The following FABP6 variants were observed in gnomAD, a reference collection of about 807,000 sequenced individuals.
The protein encoded by FABP6 is gastrotropin.
A neutral mutation model predicts 14.9 loss-of-function variants in FABP6; 13 were observed. The ratio of observed to expected loss-of-function variants is 0.87; its 90% CI spans 0.57 to 1.39. The LOEUF is 1.39. Ranked by LOEUF, FABP6 falls within the 40% of genes most tolerant of loss-of-function variation. The pLI, the probability that FABP6 is intolerant of heterozygous loss-of-function variation, is 0.00. For synonymous variants in FABP6, 75 were observed against 63.6 expected, an observed-to-expected ratio of 1.18 and a Z score of -0.85; for missense variants, 161 against 167.2, an observed-to-expected ratio of 0.96 and a Z score of 0.20.
chr5:160,225,399 C>CT (rs1284538826), upstream of FABP6, among the ~76,000 whole-genome samples: 729 of 123,486 alleles, frequency 5.9e-3, 4 homozygotes, highest in Admixed American at 9.8e-3. Context: ...CCAGCCCCAC[C>CT]TTTTTTTTTT....
intron 2 of FABP6, among the ~76,000 whole-genome samples, chr5:160,200,680 C>T (rs1182992561): frequency 6.6e-6 from 1 of 152,182 alleles, no homozygotes; most frequent in Non-Finnish European, 1.5e-5. Flanking sequence ...TCCCAAAGTG[C>T]TGGGGTTACA....
At chr5:160,212,064 T>A (rs771882298) in intron 2 of FABP6, among the ~76,000 whole-genome samples, 10 of 150,388 alleles carry the variant, frequency 6.6e-5, no homozygotes, top group Non-Finnish European at 1.2e-4. Context: ...CTCAGCTCAC[T>A]GTAACCTCCG....
intron 2 of FABP6, among the ~76,000 whole-genome samples, chr5:160,209,614 A>G (rs1759845003): frequency 6.6e-6 from 1 of 152,198 alleles, no homozygotes; most frequent in South Asian, 2.1e-4. Flanking sequence ...TTCTACAGAG[A>G]GTCCCCACCA....
intron 2 of FABP6, among the ~76,000 whole-genome samples, chr5:160,233,943 T>G (rs979495715): frequency 3.3e-5 from 5 of 151,974 alleles, no homozygotes; most frequent in Admixed American, 2.0e-4. Flanking sequence ...TCTAGGGCCT[T>G]GCAGCTAGAA....
chr5:160,218,482 A>G (rs1429206570), intron 3 of FABP6, among the ~76,000 whole-genome samples: 4 of 17,334 alleles, frequency 2.3e-4, no homozygotes, highest in African/African-American at 8.6e-4. Flanking sequence ...TTTTTTTGAG[A>G]TGGAGTCTCA....
chr5:160,192,780 G>T (rs992264416), intron 1 of FABP6, among the ~76,000 whole-genome samples: 1 of 152,360 alleles, frequency 6.6e-6, no homozygotes. Flanking sequence ...GGGTCAAAGG[G>T]TAGCTGGAGA....
chr5:160,190,022 T>A (rs1358244592), intron 1 of FABP6, among the ~76,000 whole-genome samples: 1 of 152,192 alleles, frequency 6.6e-6, no homozygotes, highest in Non-Finnish European at 1.5e-5. Context: ...AGCCAAGGTT[T>A]GAACTGGCTG....
At chr5:160,204,362 T>A (rs1028007381) in intron 2 of FABP6, among the ~76,000 whole-genome samples, 13 of 152,030 alleles carry the variant, frequency 8.6e-5, no homozygotes, top group South Asian at 6.2e-4. Flanking sequence ...TACGTTTTTT[T>A]AAAAAAGCTC....
intron 2 of FABP6, chr5:160,199,197 T>G: frequency 2.5e-6 from 4 of 1,610,566 alleles, no homozygotes; most frequent in Non-Finnish European, 3.4e-6. Context: ...TTGAGGCAAA[T>G]GAAAGGATGA....
At chr5:160,208,269 C>T (rs954497269) in intron 2 of FABP6, among the ~76,000 whole-genome samples, 1 of 151,498 alleles carries the variant, frequency 6.6e-6, no homozygotes, top group Admixed American at 6.6e-5. Context: ...ATAACTAGAT[C>T]GTTTGTCTAA....
At chr5:160,210,757 G>A (rs1759870365) in intron 2 of FABP6, among the ~76,000 whole-genome samples, 4 of 152,204 alleles carry the variant, frequency 2.6e-5, no homozygotes, top group Admixed American at 1.3e-4. Flanking sequence ...CTGCTTATGA[G>A]CTTAGAGCAA....
intron 2 of FABP6, among the ~76,000 whole-genome samples, chr5:160,207,186 G>A (rs1253734636): frequency 6.6e-6 from 1 of 152,232 alleles, no homozygotes; most frequent in East Asian, 1.9e-4. Flanking sequence ...TATGACAGAA[G>A]ATGAGGTAGG....
intron 2 of FABP6, among the ~76,000 whole-genome samples, chr5:160,233,263 A>G (rs1056280311): frequency 1.3e-5 from 2 of 151,502 alleles, no homozygotes; most frequent in Admixed American, 6.6e-5. Flanking sequence ...TACAGGTGTG[A>G]GCCACCGTGC....
intron 1 of FABP6, chr5:160,198,876 A>C (rs961023895): frequency 3.5e-6 from 2 of 564,750 alleles, no homozygotes; most frequent in Non-Finnish European, 6.3e-6. Context: ...TTTTGACTTT[A>C]TCTTCTTAAT....
At chr5:160,192,865 A>G (rs1250696247) in intron 1 of FABP6, among the ~76,000 whole-genome samples, 3 of 152,260 alleles carry the variant, frequency 2.0e-5, no homozygotes, top group African/African-American at 7.2e-5. Context: ...TAATCCCAGC[A>G]CTTTGGGAGG....
chr5:160,199,254 CTTT>C (rs1421787772), intron 2 of FABP6: 2 of 1,270,776 alleles, frequency 1.6e-6, no homozygotes, highest in African/African-American at 2.9e-5. Context: ...ACTTGCTCGC[CTTT>C]CTCTGTGATG....
chr5:160,204,354 CG>C (rs1397528709), intron 2 of FABP6, among the ~76,000 whole-genome samples: 2 of 151,832 alleles, frequency 1.3e-5, no homozygotes, highest in Middle Eastern at 3.2e-3. Flanking sequence ...ATAAATAATA[CG>C]TTTTTTTAAA....
At chr5:160,220,302 ATT>A (rs942021902) in intron 3 of FABP6, among the ~76,000 whole-genome samples, 1 of 152,058 alleles carries the variant, frequency 6.6e-6, no homozygotes, top group Non-Finnish European at 1.5e-5. Flanking sequence ...GAAGATCGGT[ATT>A]TTTTTCCCCA....
rs113202380 is a variant in FABP6, at chr5:160,219,509, G to T, written c.135+5690G>T. ...GAACAAATAGGTAAACCCAGGAGAA[G>T]AGGGGAAGAGGCGGGCATGGGTGGA... is the stretch of plus-strand genomic sequence containing the variant. On this transcript the variant is annotated intron_variant, in intron 3 of 6. Coordinates refer to the FABP6 transcript ENST00000393980. 9.0e-3 allele frequency among the ~76,000 whole-genome samples: 1,371 copies of T among 152,266 alleles called. 22 individuals carry two copies. The highest frequency in any genetic ancestry group is 0.031 in the African/African-American group (1,286 of 41,536).
Sources: gnomAD v4.1 joint callset for allele counts (sites outside exome capture counted in the v4.1 genomes callset) on GRCh38, gnomAD v4.1.1 for gene constraint, MANE v1.5 for transcripts, NCBI Gene and HGNC (gene_info 2026-07-23, HGNC 2026-07-21) for gene names.